SUGCT: variants seen among roughly 807,000 people sequenced by gnomAD.
SUGCT encodes succinyl-CoA:glutarate CoA-transferase.
In SUGCT, 41 loss-of-function variants were observed where a neutral mutation model predicts 55.0. The ratio of observed to expected loss-of-function variants is 0.74; its 90% CI spans 0.58 to 0.97. SUGCT has a LOEUF of 0.97. Ranked by LOEUF, SUGCT falls within the 50% of genes least tolerant of loss-of-function variation. The pLI, the probability that SUGCT is intolerant of heterozygous loss-of-function variation, is 0.00. For synonymous variants in SUGCT, 187 were observed against 200.4 expected (o/e 0.93, Z 0.56); for missense variants, 568 against 547.8 (o/e 1.04, Z -0.37).
chr7:40,530,334 A>G (rs1449273601), intron 12 of SUGCT, among the ~76,000 whole-genome samples: 3 of 152,206 alleles, frequency 2.0e-5, no homozygotes, highest in Middle Eastern at 3.2e-3. Context: ...TCTAAACATA[A>G]TATATAGTTT....
chr7:40,154,066 G>C (rs572527202), intron 1 of SUGCT: 1 of 249,432 alleles, frequency 4.0e-6, no homozygotes, highest in Non-Finnish European at 8.4e-6. Context: ...GTGAACATTG[G>C]GGGTCTTTGT....
At chr7:40,467,388 A>G (rs535802430) in intron 11 of SUGCT, among the ~76,000 whole-genome samples, 3 of 152,130 alleles carry the variant, frequency 2.0e-5, no homozygotes, top group African/African-American at 7.2e-5. Flanking sequence ...TGTAATAATC[A>G]CATCATTATA....
the SUGCT span, among the ~76,000 whole-genome samples, chr7:40,871,241 G>A: frequency 1.3e-5 from 2 of 152,098 alleles, no homozygotes; most frequent in Admixed American, 6.5e-5. Context: ...TTAAAACCAC[G>A]TGCCATTTCT....
At chr7:40,663,103 G>C (rs995212156) in intron 12 of SUGCT, among the ~76,000 whole-genome samples, 16 of 152,122 alleles carry the variant, frequency 1.1e-4, no homozygotes, top group African/African-American at 3.6e-4. Context: ...TTAGCATACT[G>C]TCCAGCTAAT....
At chr7:40,316,680 C>T (rs1262335575) in intron 8 of SUGCT, 80 bp from the exon 9 acceptor site, 3 of 892,578 alleles carry the variant, frequency 3.4e-6, no homozygotes, top group Non-Finnish European at 5.0e-6. Context: ...AGTGAAATTA[C>T]TTTCATAATA....
intron 13 of SUGCT, among the ~76,000 whole-genome samples, chr7:40,778,947 GA>G (rs1422131988): frequency 1.3e-5 from 2 of 152,220 alleles, no homozygotes; most frequent in African/African-American, 4.8e-5. Flanking sequence ...GCCACCTCAG[GA>G]ATGTTAGCAT....
the SUGCT span, among the ~76,000 whole-genome samples, chr7:41,037,957 A>G: frequency 6.6e-6 from 1 of 152,050 alleles, no homozygotes; most frequent in African/African-American, 2.4e-5. Flanking sequence ...GCTATGAGGG[A>G]ATGTTGTTGG....
chr7:40,889,320 G>A, the SUGCT span, among the ~76,000 whole-genome samples: 1 of 152,146 alleles, frequency 6.6e-6, no homozygotes, highest in African/African-American at 2.4e-5. Context: ...TCCCTGGGAG[G>A]ACTGCTAGTG....
At chr7:40,754,447 G>A (rs1314673964) in intron 13 of SUGCT, among the ~76,000 whole-genome samples, 2 of 152,100 alleles carry the variant, frequency 1.3e-5, no homozygotes, top group South Asian at 2.1e-4. Context: ...CCCTGCCCCC[G>A]ACAACTAACC....
intron 12 of SUGCT, among the ~76,000 whole-genome samples, chr7:40,620,695 G>A (rs995583135): frequency 2.0e-5 from 3 of 152,072 alleles, no homozygotes; most frequent in South Asian, 2.1e-4. Context: ...GAGCCACCAC[G>A]CCCGGCCAAT....
rs201173975 is a variant in SUGCT, at chr7:40,650,963, TA to T, written c.1090-98469del. Among the ~76,000 whole-genome samples, 532 of 152,258 alleles carry T rather than the reference TA, an allele frequency of 3.5e-3. 9 individuals are homozygous for T. The highest frequency in any genetic ancestry group is 0.031 in the East Asian group (159 of 5,164). Reference sequence around the variant, plus strand: ...CAGCTTCCACCTATAAACAAGAACATAATGTTGTTTGGTTTTCTCATCCTGC... The same window carrying T: ...CAGCTTCCACCTATAAACAAGAACATATGTTGTTTGGTTTTCTCATCCTGC... On this transcript the variant is annotated intron_variant, in intron 12 of 13. Coordinates refer to ENST00000335693, the MANE Select transcript of SUGCT (RefSeq NM_001193313.2).
intron 8 of SUGCT, among the ~76,000 whole-genome samples, chr7:40,313,064 G>C (rs1424140390): frequency 6.6e-6 from 1 of 152,160 alleles, no homozygotes; most frequent in Non-Finnish European, 1.5e-5. Context: ...TTTGCTCTTT[G>C]AGATCCATTT....
the SUGCT span, among the ~76,000 whole-genome samples, chr7:41,002,030 G>A: frequency 1.3e-5 from 2 of 151,958 alleles, no homozygotes; most frequent in Admixed American, 6.5e-5. Context: ...ACTTTTTTTT[G>A]TTTGTTTATT....
intron 13 of SUGCT, among the ~76,000 whole-genome samples, chr7:40,833,021 T>A (rs947924907): frequency 1.3e-5 from 2 of 152,010 alleles, no homozygotes. Context: ...CCTCGGTCCA[T>A]AGACCTCTGC....
chr7:40,300,211 C>T (rs914432793), intron 8 of SUGCT, among the ~76,000 whole-genome samples: 1 of 152,142 alleles, frequency 6.6e-6, no homozygotes, highest in Non-Finnish European at 1.5e-5. Context: ...TGAAGTCATA[C>T]AGACAAGGCT....
At chr7:40,997,443 C>G in the SUGCT span, among the ~76,000 whole-genome samples, 5,865 of 152,186 alleles carry the variant, frequency 0.039, 376 homozygotes, top group African/African-American at 0.14. Context: ...TGACCTTGCT[C>G]TTTCCTGCCT....
chr7:40,243,944 G>A (rs1789638886), intron 7 of SUGCT, among the ~76,000 whole-genome samples: 1 of 152,174 alleles, frequency 6.6e-6, no homozygotes, highest in African/African-American at 2.4e-5. Flanking sequence ...AGGCTGAGGT[G>A]GGTGGGTCAC....
Position 40,860,413 on chromosome 7 carries a change from A to G in SUGCT, c.1251A>G (p.Arg417=). Residue 417 remains arginine, a synonymous_variant, in exon 14 of 14, where the codon AGA becomes AGG. Coordinates refer to ENST00000335693, the MANE Select transcript of SUGCT (RefSeq NM_001193313.2). ...HTTHILKEVL[R]YDDRAIGELL... The stretch of plus-strand genomic sequence containing the variant: ...CGCACATCCTGAAGGAGGTCCTGAG[A>G]TACGATGACAGGGCCATCGGGGAGC... The G allele has an allele frequency of 6.2e-7, 1 of 1,613,970 alleles. No homozygotes were observed. Among genetic ancestry groups the G allele is most frequent in the South Asian group, 1.1e-5 (1 of 91,080 alleles).
At chr7:40,815,509 G>A (rs900999749) in intron 13 of SUGCT, among the ~76,000 whole-genome samples, 1 of 152,138 alleles carries the variant, frequency 6.6e-6, no homozygotes, top group Non-Finnish European at 1.5e-5. Flanking sequence ...TGATGTGAAT[G>A]CCTGGAGATG....
Sources: allele counts gnomAD v4.1 joint callset (sites outside exome capture counted in the v4.1 genomes callset), GRCh38; gene constraint gnomAD v4.1.1; transcripts MANE v1.5; gene names NCBI Gene and HGNC (gene_info 2026-07-23, HGNC 2026-07-21).